PEX5: variants seen among roughly 807,000 people sequenced by gnomAD.
PEX5 encodes the protein peroxisomal biogenesis factor 5.
Under a neutral mutation model 82.9 loss-of-function variants are expected in PEX5, and 52 were observed. That is an observed-to-expected ratio of 0.63 (90% confidence interval 0.50 to 0.79). PEX5 has a LOEUF of 0.79. Ranked by LOEUF, PEX5 falls within the 30% of genes least tolerant of loss-of-function variation. PEX5 has a pLI of 0.00. For missense variants in PEX5, 719 were observed against 815.2 expected (o/e 0.88, Z 1.44); for synonymous variants, 300 against 318.8 (o/e 0.94, Z 0.63).
chr12:7,191,270 C>G lies in PEX5; in HGVS notation c.228C>G (p.Ser76=). 6.2e-7 allele frequency: 1 copy of G among 1,614,126 alleles called. No homozygotes were observed. Among genetic ancestry groups the G allele is most frequent in the East Asian group, 2.2e-5 (1 of 44,878 alleles). The change falls in exon 4 of 16, where the codon TCC becomes TCG. Residue 76 remains serine (S), a synonymous_variant. Coordinates refer to ENST00000675855, the MANE Select transcript of PEX5 (RefSeq NM_001351132.2). ...FLQDQNAPLV[S]RAPQTFKMDD... is the part of the protein sequence containing the mutation. ...AGGACCAGAATGCACCCCTTGTGTCCCGTGCCCCTCAGACCTTCAAGATGG... is the reference window on the plus strand; with the variant it reads ...AGGACCAGAATGCACCCCTTGTGTCGCGTGCCCCTCAGACCTTCAAGATGG...
intron 5 of PEX5, among the ~76,000 whole-genome samples, chr12:7,197,494 A>G (rs907858677): frequency 6.9e-6 from 1 of 144,460 alleles, no homozygotes; most frequent in South Asian, 2.1e-4. Flanking sequence ...TAATAATTAT[A>G]TATGTTATAT....
chr12:7,212,609 A>G (rs1270278163), downstream of PEX5, among the ~76,000 whole-genome samples: 1 of 152,180 alleles, frequency 6.6e-6, no homozygotes, highest in Non-Finnish European at 1.5e-5. Context: ...ATAGATGCTA[A>G]CAATATAGTG....
At chr12:7,207,971 G>C (rs772199278) in intron 11 of PEX5, 39 bp from the exon 12 acceptor site, 2 of 1,571,852 alleles carry the variant, frequency 1.3e-6, no homozygotes, top group Non-Finnish European at 1.8e-6. Flanking sequence ...GAATGGAGAG[G>C]TGAATATGGG....
At chr12:7,195,128 C>G (rs1476837418) in intron 5 of PEX5, among the ~76,000 whole-genome samples, 2 of 152,216 alleles carry the variant, frequency 1.3e-5, no homozygotes, top group Non-Finnish European at 2.9e-5. Context: ...CAGAAACTTT[C>G]ATGAGTAAGA....
At chr12:7,213,429 A>G (rs760651425), downstream of PEX5, among the ~76,000 whole-genome samples, 763 of 95,428 alleles carry the variant, frequency 8.0e-3, 3 homozygotes, top group Middle Eastern at 0.039. Context: ...AACACCGCAT[A>G]TCTACAACTA....
chr12:7,189,402 G>A (rs1940457848), upstream of PEX5: 2 of 152,458 alleles, frequency 1.3e-5, no homozygotes, highest in Admixed American at 6.5e-5. Context: ...TCGCGTCTTC[G>A]GCTTTCCCCC....
intron 6 of PEX5, 153 bp from the exon 7 acceptor site, chr12:7,201,598 G>A: frequency 1.4e-6 from 1 of 703,408 alleles, no homozygotes; most frequent in Non-Finnish European, 2.6e-6. Context: ...CTGCCCAAAT[G>A]TCCTTCTATA....
chr12:7,198,960 T>C, intron 5 of PEX5, 51 bp from the exon 6 acceptor site: 1 of 1,008,694 alleles, frequency 9.9e-7, no homozygotes, highest in Non-Finnish European at 1.5e-6. Context: ...CTTTCCTTGA[T>C]CCCACACTGA....
At position 7,210,519 on chromosome 12, in the gene PEX5, C is replaced by T. The variant is rs758323453; in HGVS notation, c.*296C>T. On this transcript the variant is annotated 3_prime_UTR_variant, in exon 16 of 16. Transcript: ENST00000675855. ...GTGCTGCTTTTTGGGTAGGACCCCA[C>T]GATTTAGGGTAACTGTTATCATCAG... The T allele has an allele frequency of 1.6e-4, 83 of 513,074 alleles. No homozygotes were observed. Among genetic ancestry groups the T allele is most frequent in the Middle Eastern group, 5.4e-4 (1 of 1,852 alleles). 31.8% of individuals were successfully genotyped at this position (513,074 alleles called of 1,614,324 possible). A position where few individuals can be genotyped will look rare whatever the true frequency, so the allele number is the denominator to read the frequency against.
chr12:7,191,441 C>T, intron 4 of PEX5, 83 bp downstream of exon 4: 1 of 1,600,714 alleles, frequency 6.2e-7, no homozygotes, highest in South Asian at 1.1e-5. Context: ...ATGCTGCTGG[C>T]ATTGGGGACC....
At chr12:7,201,156 C>CAT (rs1299810664) in intron 6 of PEX5, among the ~76,000 whole-genome samples, 1 of 49,668 alleles carries the variant, frequency 2.0e-5, no homozygotes, top group African/African-American at 4.6e-5. Flanking sequence ...CACGCACACA[C>CAT]ATATATACAC....
Position 7,198,997 on chromosome 12 carries a change from T to C in PEX5, c.449-14T>C, listed in dbSNP as rs1943225638. 6.7e-7 allele frequency: 1 copy of C among 1,489,420 alleles called. No individual in the cohort carries two copies. Among genetic ancestry groups the C allele is most frequent in the Admixed American group, 1.7e-5 (1 of 58,056 alleles). The allele number at this position is 1,489,420 out of a possible 1,614,324, so 92.3% of individuals were successfully genotyped here. ...TGAACCTGTGTGATTTCCCCACTTC[T>C]CTGCTCCTTGCAGACCCCTTGTCTG... On this transcript the variant is annotated splice_polypyrimidine_tract_variant and intron_variant, in intron 5 of 15. Transcript: ENST00000675855.
At position 7,198,879 on chromosome 12, in the gene PEX5, G is replaced by C. The variant is rs145813147; in HGVS notation, c.449-132G>C. The C allele has an allele frequency of 8.9e-5, 56 of 631,670 alleles. No homozygotes were observed. In the African/African-American group the frequency reaches 9.6e-4, roughly 11 times the overall value. 39.1% of individuals were successfully genotyped at this position (631,670 alleles called of 1,614,324 possible). A position where few individuals can be genotyped will look rare whatever the true frequency, so the allele number is the denominator to read the frequency against. On this transcript the variant is annotated intron_variant, in intron 5 of 15. Coordinates refer to ENST00000675855, the MANE Select transcript of PEX5 (RefSeq NM_001351132.2). ...TATATTCTTTTGACCAGGGGTTTCT[G>C]AGGGAGTCAGCAGAGTTTTGTCTGC...
chr12:7,213,964 A>G (rs1945703384), downstream of PEX5, among the ~76,000 whole-genome samples: 1 of 138,570 alleles, frequency 7.2e-6, no homozygotes, highest in Non-Finnish European at 1.6e-5. Flanking sequence ...CAAAAAACAC[A>G]TGAAAAAATG....
At position 7,200,073 on chromosome 12, in the gene PEX5, A is replaced by AC. The variant is rs1165331746; in HGVS notation, c.551+965dup. ...GGGCGGCTGGCCGGGCGGGGGGCTG[A>AC]CCCCCACCTCCCTCCCGGACGGGGT... is the stretch of plus-strand genomic sequence containing the variant. On this transcript the variant is annotated intron_variant, in intron 6 of 15. Transcript: ENST00000675855. Among the ~76,000 whole-genome samples the AC allele has an allele frequency of 1.1e-4, 9 of 83,740 alleles. No homozygotes were observed. The Admixed American group carries it at 1.1e-3, about 11-fold the overall frequency. The allele number at this position is 83,740 out of a possible 152,430, so 54.9% of individuals were successfully genotyped here.
downstream of PEX5, among the ~76,000 whole-genome samples, chr12:7,213,779 G>A: frequency 6.6e-6 from 1 of 150,688 alleles, no homozygotes; most frequent in African/African-American, 2.4e-5. Context: ...TACCAACAGA[G>A]TGAACAGGCA....
chr12:7,201,913 C>G, intron 7 of PEX5, 72 bp downstream of exon 7: 1 of 1,100,046 alleles, frequency 9.1e-7, no homozygotes, highest in Non-Finnish European at 1.4e-6. Context: ...CTTTTCTTAC[C>G]CCAGTTTAGT....
intron 6 of PEX5, among the ~76,000 whole-genome samples, chr12:7,200,509 A>G (rs1267070601): frequency 1.3e-5 from 2 of 152,164 alleles, no homozygotes; most frequent in African/African-American, 4.8e-5. Flanking sequence ...AGAGGCTGCA[A>G]TCTCGGCACT....
chr12:7,194,490 T>G (rs930955186), intron 5 of PEX5, among the ~76,000 whole-genome samples: 21 of 152,198 alleles, frequency 1.4e-4, no homozygotes, highest in Non-Finnish European at 2.5e-4. Flanking sequence ...GTGTGTGTGT[T>G]TTTTGCAATT....
Sources: allele counts gnomAD v4.1 joint callset (sites outside exome capture counted in the v4.1 genomes callset), GRCh38; gene constraint gnomAD v4.1.1; transcripts MANE v1.5; gene names NCBI Gene and HGNC (gene_info 2026-07-23, HGNC 2026-07-21).